Variants in ZFX observed in about 807,000 individuals in gnomAD.
The protein encoded by ZFX is zinc finger X-chromosomal protein.
For synonymous variants in ZFX, 196 were observed against 226.8 expected (o/e 0.86, Z 1.22); for missense variants, 362 against 628.3 (o/e 0.58, Z 4.53).
intron 3 of ZFX, among the ~76,000 whole-genome samples, chrX:24,160,828 A>T (rs1164462951): frequency 9.0e-6 from 1 of 111,556 alleles, no homozygotes; most frequent in African/African-American, 3.3e-5. Context: ...ATTTAGCTAT[A>T]ATTTGTATCT....
At chrX:24,153,781 T>C (rs1388337004) in intron 3 of ZFX, among the ~76,000 whole-genome samples, 1 of 111,462 alleles carries the variant, frequency 9.0e-6, no homozygotes, top group Admixed American at 9.7e-5. Context: ...GATTTATCTT[T>C]GTCTCCAAGC....
At chrX:24,198,518 ATATCT>A (rs1937076600) in intron 5 of ZFX, among the ~76,000 whole-genome samples, 1 of 107,738 alleles carries the variant, frequency 9.3e-6, no homozygotes, top group South Asian at 4.1e-4. Flanking sequence ...TTAAGAACTA[ATATCT>A]TAATGACCAA....
In ZFX at chrX:24,211,289, G is replaced by C; in HGVS notation, c.2331G>C (p.Arg777=). The C allele has an allele frequency of 8.3e-7, 1 of 1,212,046 alleles. No homozygotes were observed. The highest frequency in any genetic ancestry group is 2.2e-5 in the Admixed American group (1 of 46,037). Residue 777 remains arginine (R), a synonymous_variant, in exon 10 of 10, where the codon CGG becomes CGC. Transcript: ENST00000304543. ...TTCACACGAAAGACTATCCTCACCG[G>C]TGTGAGTACTGCAAGAAAGGCTTCC... ...ISIHTKDYPH[R]CEYCKKGFRR... is the part of the protein sequence containing the mutation.
intron 5 of ZFX, among the ~76,000 whole-genome samples, chrX:24,197,154 A>T (rs181369019): frequency 8.9e-4 from 99 of 111,757 alleles, no homozygotes; most frequent in Middle Eastern, 4.6e-3. Context: ...GTGAAATTGC[A>T]AACAATATGA....
chrX:24,184,955 C>CTATTAT (rs61158922), intron 5 of ZFX, among the ~76,000 whole-genome samples: 48,031 of 108,579 alleles, frequency 0.44, 8,034 homozygotes, highest in South Asian at 0.77. Context: ...TTTGTCTTCT[C>CTATTAT]TATTATTATG....
intron 3 of ZFX, among the ~76,000 whole-genome samples, chrX:24,167,921 T>G (rs1188392505): frequency 2.7e-5 from 3 of 111,668 alleles, no homozygotes; most frequent in East Asian, 5.6e-4. Flanking sequence ...GAAGAGAACT[T>G]GTTAGAGTGG....
intron 3 of ZFX, among the ~76,000 whole-genome samples, chrX:24,163,374 T>TTTTG (rs1933613703): frequency 1.6e-5 from 1 of 63,182 alleles, no homozygotes; most frequent in Non-Finnish European, 3.0e-5. Flanking sequence ...GTTTTTTTTT[T>TTTTG]TTTTTTTTTT....
At chrX:24,202,417 C>T (rs1937356701) in intron 5 of ZFX, among the ~76,000 whole-genome samples, 1 of 111,937 alleles carries the variant, frequency 8.9e-6, no homozygotes, top group African/African-American at 3.2e-5. Context: ...CCTCAGCCCA[C>T]TCTAGTCTGA....
chrX:24,201,941 A>G (rs1399296307), intron 5 of ZFX, among the ~76,000 whole-genome samples: 1 of 111,266 alleles, frequency 9.0e-6, no homozygotes, highest in Non-Finnish European at 1.9e-5. Flanking sequence ...GTCCTGGATC[A>G]CTCATTTTCT....
At chrX:24,165,948 A>G (rs746635778) in intron 3 of ZFX, among the ~76,000 whole-genome samples, 4 of 112,968 alleles carry the variant, frequency 3.5e-5, no homozygotes, top group African/African-American at 1.3e-4. Context: ...GTAGAATGTT[A>G]TGGAATGAAC....
At chrX:24,157,548 TATTTCATGCCAAAC>T (rs1341634691) in intron 3 of ZFX, among the ~76,000 whole-genome samples, 11 of 112,188 alleles carry the variant, frequency 9.8e-5, no homozygotes, top group Non-Finnish European at 7.5e-5. Flanking sequence ...GCTGTATTGT[TATTTCATGCCAAAC>T]AATAAAACTG....
In ZFX at chrX:24,187,568, C is replaced by G. The variant is rs376806427; in HGVS notation, c.646+7798C>G. Among the ~76,000 whole-genome samples the G allele has an allele frequency of 1.2e-4, 13 of 111,846 alleles. No individual in the cohort carries two copies. The East Asian group carries it at 2.2e-3, about 19-fold the overall frequency. Reference sequence around the variant, plus strand: ...AGCAGAAGCCCAGACAGCTTCCAAACCCCATCCTGTTGTTTTTCTAACTGA... The same window carrying G: ...AGCAGAAGCCCAGACAGCTTCCAAAGCCCATCCTGTTGTTTTTCTAACTGA... On this transcript the variant is annotated intron_variant, in intron 5 of 9. Coordinates refer to ENST00000304543, the MANE Select transcript of ZFX (RefSeq NM_003410.4).
intron 5 of ZFX, among the ~76,000 whole-genome samples, chrX:24,202,746 A>G (rs1051089615): frequency 1.3e-4 from 14 of 111,932 alleles, no homozygotes; most frequent in African/African-American, 4.5e-4. Context: ...GGCTCCCCAA[A>G]GTGTGTCAGC....
At chrX:24,179,897 G>A (rs1448590436) in intron 5 of ZFX, 127 bp downstream of exon 5, 8 of 633,552 alleles carry the variant, frequency 1.3e-5, no homozygotes, top group Non-Finnish European at 1.9e-5. Flanking sequence ...TACCTGCATT[G>A]TTGTTTCCAT....
At chrX:24,181,615 C>T (rs1168596247) in intron 5 of ZFX, among the ~76,000 whole-genome samples, 2 of 111,593 alleles carry the variant, frequency 1.8e-5, no homozygotes, top group Non-Finnish European at 3.8e-5. Context: ...CTATTTTATT[C>T]CTTAGAATAA....
chrX:24,180,397 T>TC (rs397895998), intron 5 of ZFX, among the ~76,000 whole-genome samples: 1 of 109,190 alleles, frequency 9.2e-6, no homozygotes, highest in Admixed American at 9.8e-5. Flanking sequence ...TTTTTTTTTT[T>TC]CGGAGGGAGA....
chrX:24,187,586 C>G (rs981111587), intron 5 of ZFX, among the ~76,000 whole-genome samples: 1 of 111,788 alleles, frequency 8.9e-6, no homozygotes, highest in Non-Finnish European at 1.9e-5. Flanking sequence ...TGTTGTTTTT[C>G]TAACTGAAAA....
intron 4 of ZFX, among the ~76,000 whole-genome samples, chrX:24,177,436 A>G (rs1935250653): frequency 9.0e-6 from 1 of 111,115 alleles, no homozygotes. Context: ...TAGGGGAACT[A>G]TGTTCCGAGG....
At chrX:24,170,527 T>C (rs1934478707) in intron 3 of ZFX, among the ~76,000 whole-genome samples, 2 of 110,427 alleles carry the variant, frequency 1.8e-5, no homozygotes, top group Admixed American at 1.9e-4. Flanking sequence ...CCAGAGGTGG[T>C]TTTGCGGGAG....
Sources: gnomAD v4.1 joint callset for allele counts (sites outside exome capture counted in the v4.1 genomes callset) on GRCh38, gnomAD v4.1.1 for gene constraint, MANE v1.5 for transcripts, NCBI Gene and HGNC (gene_info 2026-07-23, HGNC 2026-07-21) for gene names.